The following MYO10 variants were observed in gnomAD, a reference collection of about 807,000 sequenced individuals.
MYO10 encodes the protein myosin X.
In MYO10, 133 loss-of-function variants were observed where a neutral mutation model predicts 257.3. That is an observed-to-expected ratio of 0.52 (90% confidence interval 0.45 to 0.60). The LOEUF (loss-of-function observed/expected upper bound fraction) is 0.60. Among genes scored for constraint, MYO10 ranks in the 20% least tolerant of loss-of-function variants. The pLI is 0.00. For missense variants in MYO10, 2,399 were observed against 2,635.7 expected (o/e 0.91, Z 1.97); for synonymous variants, 1,104 against 1,028.6 (o/e 1.07, Z -1.40).
chr5:16,829,177 C>T (rs1185648277), intron 2 of MYO10, among the ~76,000 whole-genome samples: 5 of 152,078 alleles, frequency 3.3e-5, no homozygotes, highest in African/African-American at 4.8e-5. Context: ...TGATGTGGCA[C>T]GGGGCATCTG....
intron 9 of MYO10, among the ~76,000 whole-genome samples, chr5:16,777,321 G>T (rs978678696): frequency 6.6e-6 from 1 of 152,140 alleles, no homozygotes; most frequent in Non-Finnish European, 1.5e-5. Flanking sequence ...TAAAAGGGAG[G>T]CAGAGTGGAA....
intron 3 of MYO10, among the ~76,000 whole-genome samples, chr5:16,805,571 G>T (rs559805908): frequency 2.0e-5 from 3 of 151,666 alleles, no homozygotes; most frequent in Non-Finnish European, 4.4e-5. Flanking sequence ...TATTGTTACC[G>T]CTCCACAAAC....
Position 16,711,202 on chromosome 5 carries a change from C to T in MYO10, c.1973G>A (p.Arg658Gln), listed in dbSNP as rs375527129. The T allele has an allele frequency of 3.3e-5, 53 of 1,613,154 alleles. No homozygotes were observed. Among genetic ancestry groups the T allele is most frequent in the Middle Eastern group, 1.6e-4 (1 of 6,078 alleles). Residue 658 changes from arginine (R) to glutamine (Q), a missense_variant, in exon 20 of 41, where the codon CGG becomes CAG. Arg to Gln is a conservative substitution (Grantham distance 43). This residue lies in a region of MYO10 where 1,820 missense variants were observed against 1,939.4 expected (regional missense o/e 0.94). Transcript: ENST00000513610. Reference protein sequence around the residue: ...FDQAVVLNQLRYSGMLETVRI... With the variant: ...FDQAVVLNQLQYSGMLETVRI... ...CACAGTCTCCAGCATCCCTGAGTAC[C>T]GCAGCTGGTTCAGCACAACCGCCTG...
chr5:16,718,342 A>ACGG (rs1212850979), intron 19 of MYO10, among the ~76,000 whole-genome samples: 1 of 152,348 alleles, frequency 6.6e-6, no homozygotes, highest in East Asian at 1.9e-4. Flanking sequence ...ATGCGAGCGC[A>ACGG]CGGCGCAGGA....
intron 2 of MYO10, among the ~76,000 whole-genome samples, chr5:16,823,468 A>ATGTTTTTTT (rs1742900058): frequency 1.6e-4 from 1 of 6,448 alleles, no homozygotes; most frequent in African/African-American, 4.7e-4. Context: ...GGGAGTGGGG[A>ATGTTTTTTT]TTTTTTTTTT....
At chr5:16,772,422 G>A (rs1342750420) in intron 9 of MYO10, among the ~76,000 whole-genome samples, 7 of 152,148 alleles carry the variant, frequency 4.6e-5, no homozygotes, top group African/African-American at 7.2e-5. Flanking sequence ...CGTGAGCCAC[G>A]GCGCCCAGCC....
intron 37 of MYO10, 38 bp downstream of exon 37, chr5:16,672,651 T>G: frequency 6.2e-7 from 1 of 1,612,088 alleles, no homozygotes; most frequent in Non-Finnish European, 8.5e-7. Flanking sequence ...CAATTTCTCT[T>G]ATTTGCTCTT....
intron 2 of MYO10, among the ~76,000 whole-genome samples, chr5:16,848,315 C>G (rs1200099144): frequency 6.6e-6 from 1 of 151,944 alleles, no homozygotes; most frequent in Non-Finnish European, 1.5e-5. Flanking sequence ...TGCGCCACTA[C>G]GCCCAGCTAA....
intron 2 of MYO10, among the ~76,000 whole-genome samples, chr5:16,847,420 C>CCTGT (rs1299113011): frequency 6.2e-5 from 8 of 128,770 alleles, no homozygotes; most frequent in Non-Finnish European, 1.2e-4. Context: ...CGAGACTCCA[C>CCTGT]CTCAAAAAAA....
chr5:16,846,488 AC>A (rs1743638710), intron 2 of MYO10, among the ~76,000 whole-genome samples: 1 of 152,214 alleles, frequency 6.6e-6, no homozygotes, highest in Non-Finnish European at 1.5e-5. Flanking sequence ...GATTTTGGTC[AC>A]CATGAAAGAG....
intron 10 of MYO10, among the ~76,000 whole-genome samples, chr5:16,766,651 C>T (rs889422136): frequency 6.6e-6 from 1 of 152,034 alleles, no homozygotes; most frequent in Admixed American, 6.6e-5. Context: ...AGGATGGTCT[C>T]AATCTGTTGA....
At chr5:16,821,094 GTATAATA>G (rs973185707) in intron 2 of MYO10, among the ~76,000 whole-genome samples, 4 of 146,616 alleles carry the variant, frequency 2.7e-5, no homozygotes, top group African/African-American at 9.9e-5. Flanking sequence ...TACATATAAT[GTATAATA>G]TATAATATAT....
chr5:16,769,719 C>T (rs983271114), intron 9 of MYO10, among the ~76,000 whole-genome samples: 3 of 152,112 alleles, frequency 2.0e-5, no homozygotes, highest in African/African-American at 7.2e-5. Flanking sequence ...ATAGCATGCT[C>T]AGAGATAATC....
chr5:16,919,059 GTCTC>G lies in MYO10; in HGVS notation c.21+16725_21+16728del, dbSNP rs376935963. ...ATGCATTCCTGAAGATTTCCACACA[GTCTC>G]TATTCTTCCGACTTCAAAAGCCTAC... is the stretch of plus-strand genomic sequence containing the variant. On this transcript the variant is annotated intron_variant, in intron 1 of 40. Coordinates refer to ENST00000513610, the MANE Select transcript of MYO10 (RefSeq NM_012334.3). Among the ~76,000 whole-genome samples the G allele has an allele frequency of 3.0e-3, 462 of 152,176 alleles. 3 individuals are homozygous for G. Among genetic ancestry groups the G allele is most frequent in the African/African-American group, 0.011 (441 of 41,520 alleles).
chr5:16,796,080 T>A (rs1741931671), intron 3 of MYO10, among the ~76,000 whole-genome samples: 1 of 149,914 alleles, frequency 6.7e-6, no homozygotes, highest in Non-Finnish European at 1.5e-5. Flanking sequence ...TCCCAGCTAC[T>A]CGGGAGGCTG....
Position 16,802,671 on chromosome 5 carries a change from AAAG to A in MYO10, c.280-7841_280-7839del, listed in dbSNP as rs1489043318. ...GACTGTCTCTAAAAAAAAAAAAAAA[AAAG>A]AAAGAAAGAAAAATTAAAAAAAATA... is the stretch of plus-strand genomic sequence containing the variant. On this transcript the variant is annotated intron_variant, in intron 3 of 40. Coordinates refer to ENST00000513610, the MANE Select transcript of MYO10 (RefSeq NM_012334.3). Among the ~76,000 whole-genome samples the A allele has an allele frequency of 4.7e-5, 7 of 150,442 alleles. No individual in the cohort carries two copies. In the East Asian group the frequency reaches 7.8e-4, roughly 17 times the overall value.
intron 1 of MYO10, among the ~76,000 whole-genome samples, chr5:16,929,699 C>T (rs1228066141): frequency 1.3e-5 from 2 of 152,096 alleles, no homozygotes; most frequent in Admixed American, 1.3e-4. Flanking sequence ...TACAGTTGTC[C>T]CTATGTATCT....
intron 2 of MYO10, among the ~76,000 whole-genome samples, chr5:16,857,283 T>C (rs1391875850): frequency 2.0e-5 from 3 of 152,200 alleles, no homozygotes; most frequent in Admixed American, 1.3e-4. Flanking sequence ...AGACTACATA[T>C]GGTTTCTGAC....
chr5:16,901,099 G>A (rs959051283), intron 1 of MYO10, among the ~76,000 whole-genome samples: 10 of 151,880 alleles, frequency 6.6e-5, no homozygotes, highest in African/African-American at 2.4e-4. Context: ...GCATGATCTG[G>A]CTCCTGCCTG....
Sources: gnomAD v4.1 joint callset for allele counts (sites outside exome capture counted in the v4.1 genomes callset) on GRCh38, gnomAD v4.1.1 for gene constraint, gnomAD v4.1.1 regional missense constraint, MANE v1.5 for transcripts, NCBI Gene and HGNC (gene_info 2026-07-23, HGNC 2026-07-21) for gene names.